KAT7: variants seen among roughly 807,000 people sequenced by gnomAD.
The protein encoded by KAT7 is lysine acetyltransferase 7.
A neutral mutation model predicts 82.1 loss-of-function variants in KAT7; 10 were observed. The observed-to-expected ratio is 0.12, with a 90% CI of 0.08 to 0.21. KAT7 has a LOEUF of 0.21. Among genes scored for constraint, KAT7 ranks in the 10% least tolerant of loss-of-function variants. The pLI is 1.00. For missense variants in KAT7, 378 were observed against 760.9 expected, an observed-to-expected ratio of 0.50 and a Z score of 5.92; for synonymous variants, 250 against 262.5, an observed-to-expected ratio of 0.95 and a Z score of 0.46.
chr17:49,804,868 A>G (rs1217292801), intron 4 of KAT7, among the ~76,000 whole-genome samples: 1 of 152,216 alleles, frequency 6.6e-6, no homozygotes, highest in Admixed American at 6.5e-5. Flanking sequence ...AAAGTTATGT[A>G]AGTATGTTTA....
chr17:49,821,862 A>G (rs1006385129), intron 11 of KAT7, 72 bp downstream of exon 11: 34 of 1,383,164 alleles, frequency 2.5e-5, no homozygotes, highest in Non-Finnish European at 3.1e-5. Flanking sequence ...TGGGGGCTCA[A>G]ATCACTGACA....
chr17:49,816,404 G>C (rs1481648670), intron 8 of KAT7, among the ~76,000 whole-genome samples: 1 of 140,112 alleles, frequency 7.1e-6, no homozygotes, highest in Non-Finnish European at 1.6e-5. Flanking sequence ...TTGATACATT[G>C]GTTTTCCATT....
chr17:49,817,394 C>G (rs75112805), intron 8 of KAT7, among the ~76,000 whole-genome samples: 1 of 152,168 alleles, frequency 6.6e-6, no homozygotes, highest in African/African-American at 2.4e-5. Flanking sequence ...AGTGTAAATT[C>G]TCATGGATAG....
In KAT7 at chr17:49,829,694, C is replaced by T. The variant is rs1403042435; in HGVS notation, c.*2192C>T. 6.6e-6 allele frequency: 1 copy of T among 152,174 alleles called. No individual in the cohort carries two copies. The highest frequency in any genetic ancestry group is 1.5e-5 in the Non-Finnish European group (1 of 68,042). The allele number at this position is 152,174 out of a possible 1,614,324, so 9.4% of individuals were successfully genotyped here. The stretch of plus-strand genomic sequence containing the variant: ...GCTGGAATGGTTTCACTCACTGTGA[C>T]CAGTAGTGGTGAGAACCCATACAGT... On this transcript the variant is annotated 3_prime_UTR_variant, in exon 15 of 15. Coordinates refer to ENST00000259021, the MANE Select transcript of KAT7 (RefSeq NM_007067.5).
intron 9 of KAT7, among the ~76,000 whole-genome samples, chr17:49,820,447 A>G (rs1293229341): frequency 6.6e-6 from 1 of 151,738 alleles, no homozygotes; most frequent in Non-Finnish European, 1.5e-5. Context: ...CCTGGCTAAT[A>G]TTTGTATTTT....
rs140799005 is a variant in KAT7, at chr17:49,789,171, G to A, written c.15+322G>A. The A allele has an allele frequency of 4.0e-3, 980 of 246,368 alleles. 14 individuals are homozygous for A. Among genetic ancestry groups the A allele is most frequent in the African/African-American group, 0.021 (921 of 44,692 alleles). 15.3% of individuals were successfully genotyped at this position (246,368 alleles called of 1,614,324 possible). A position where few individuals can be genotyped will look rare whatever the true frequency, so the allele number is the denominator to read the frequency against. On this transcript the variant is annotated intron_variant, in intron 1 of 14. Transcript: ENST00000259021. ...CAACGGTCACCTCCCCGCGTGCGGG[G>A]GCGGTGTCTGGCCCCGGCCCCAGCG...
At chr17:49,792,291 A>ATTTG (rs769563388) in intron 2 of KAT7, among the ~76,000 whole-genome samples, 34 of 152,230 alleles carry the variant, frequency 2.2e-4, no homozygotes, top group South Asian at 8.3e-4. Flanking sequence ...GTCTTGAGTC[A>ATTTG]TTTGTTTGTT....
intron 1 of KAT7, 42 bp downstream of exon 1, chr17:49,788,891 G>A (rs1204702900): frequency 6.5e-7 from 1 of 1,547,224 alleles, no homozygotes; most frequent in African/African-American, 1.4e-5. Flanking sequence ...TCTAAGGACA[G>A]TCGATTGAGC....
chr17:49,796,691 A>C, intron 2 of KAT7, 59 bp from the exon 3 acceptor site: 1 of 1,355,990 alleles, frequency 7.4e-7, no homozygotes, highest in Non-Finnish European at 1.0e-6. Context: ...AATTATATGG[A>C]TAGGAAGTAA....
At chr17:49,793,722 G>A (rs2073918435) in intron 2 of KAT7, among the ~76,000 whole-genome samples, 1 of 151,950 alleles carries the variant, frequency 6.6e-6, no homozygotes. Context: ...ACAGGTGCAC[G>A]CCACCGTGCC....
intron 8 of KAT7, 44 bp from the exon 9 acceptor site, chr17:49,817,776 A>G (rs377672312): frequency 1.9e-5 from 29 of 1,532,832 alleles, no homozygotes; most frequent in African/African-American, 2.7e-5. Context: ...AAGCAAAGAT[A>G]ATAAATTCTG....
chr17:49,827,090 G>A (rs2074377250), intron 14 of KAT7: 1 of 444,576 alleles, frequency 2.2e-6, no homozygotes, highest in African/African-American at 2.0e-5. Flanking sequence ...TAGGTGGGAG[G>A]AAATTGCCCA....
rs1426332082 is a variant in KAT7 at position 49,830,259 on chromosome 17, T to C, written c.*2757T>C. 6.9e-6 allele frequency: 1 copy of C among 145,498 alleles called. No homozygotes were observed. The highest frequency in any genetic ancestry group is 2.6e-5 in the African/African-American group (1 of 38,486). The allele number at this position is 145,498 out of a possible 1,614,324, so 9.0% of individuals were successfully genotyped here. A position where few individuals can be genotyped will look rare whatever the true frequency, so the allele number is the denominator to read the frequency against. On this transcript the variant is annotated 3_prime_UTR_variant, in exon 15 of 15. Coordinates refer to ENST00000259021, the MANE Select transcript of KAT7 (RefSeq NM_007067.5). ...TCCAGTCCGGAATGCAGTGGCATGA[T>C]CTCAGCTCACTGCAATGTCTGCCTC...
intron 4 of KAT7, among the ~76,000 whole-genome samples, chr17:49,800,277 C>A (rs1875126550): frequency 6.6e-6 from 1 of 152,130 alleles, no homozygotes; most frequent in South Asian, 2.1e-4. Flanking sequence ...TCCCAAAGTG[C>A]TGGGATTACA....
chr17:49,814,934 C>T (rs780892542), intron 7 of KAT7: 1 of 152,208 alleles, frequency 6.6e-6, no homozygotes, highest in Non-Finnish European at 1.5e-5. Flanking sequence ...ATCCACTCCA[C>T]TTAACTACCA....
At position 49,798,673 on chromosome 17, in the gene KAT7, T is replaced by C; in HGVS notation, c.580+115T>C. Reference sequence around the variant, plus strand: ...AGCTTCTTAGGCTCTTCAGTGGTCATGTGCTGAGTGATAATGAGTTGCTCA... The same window carrying C: ...AGCTTCTTAGGCTCTTCAGTGGTCACGTGCTGAGTGATAATGAGTTGCTCA... On this transcript the variant is annotated intron_variant, in intron 4 of 14. Transcript: ENST00000259021. 3 of 1,055,772 alleles carry C rather than the reference T, an allele frequency of 2.8e-6. No individual in the cohort carries two copies. In the South Asian group the frequency reaches 5.1e-5, roughly 18 times the overall value. The allele number at this position is 1,055,772 out of a possible 1,614,324, so 65.4% of individuals were successfully genotyped here.
intron 7 of KAT7, among the ~76,000 whole-genome samples, chr17:49,812,743 C>CT (rs1255636169): frequency 6.6e-6 from 1 of 151,722 alleles, no homozygotes; most frequent in East Asian, 1.9e-4. Flanking sequence ...AGGCTGAAGG[C>CT]TGGAGGCTGG....
At chr17:49,797,926 A>C (rs2073977357) in intron 3 of KAT7, among the ~76,000 whole-genome samples, 2 of 152,240 alleles carry the variant, frequency 1.3e-5, no homozygotes, top group Non-Finnish European at 2.9e-5. Context: ...GTCCATTCAC[A>C]TCTTACACCA....
At chr17:49,801,022 A>G (rs2074017921) in intron 4 of KAT7, among the ~76,000 whole-genome samples, 1 of 152,182 alleles carries the variant, frequency 6.6e-6, no homozygotes, top group Non-Finnish European at 1.5e-5. Flanking sequence ...AGGAACACTT[A>G]GAGGCCAATA....
Sources: gnomAD v4.1 joint callset for allele counts (sites outside exome capture counted in the v4.1 genomes callset) on GRCh38, gnomAD v4.1.1 for gene constraint, MANE v1.5 for transcripts, NCBI Gene and HGNC (gene_info 2026-07-23, HGNC 2026-07-21) for gene names.